CDH18: variants seen among roughly 807,000 people sequenced by gnomAD.
The protein encoded by CDH18 is cadherin-18.
CDH18 carries 31 observed loss-of-function variants against 67.9 expected under a neutral mutation model. That is an observed-to-expected ratio of 0.46 (90% CI 0.34 to 0.62). CDH18 has a LOEUF of 0.62. Ranked by LOEUF, CDH18 falls within the 20% of genes least tolerant of loss-of-function variation. The pLI, the probability that CDH18 is intolerant of heterozygous loss-of-function variation, is 0.01. For missense variants in CDH18, 890 were observed against 975.5 expected, an observed-to-expected ratio of 0.91 and a Z score of 1.17; for synonymous variants, 362 against 347.2, an observed-to-expected ratio of 1.04 and a Z score of -0.48.
At chr5:20,014,098 A>C (rs1457459451) in intron 2 of CDH18, among the ~76,000 whole-genome samples, 2 of 152,172 alleles carry the variant, frequency 1.3e-5, no homozygotes, top group Non-Finnish European at 2.9e-5. Flanking sequence ...GCATTCCCCA[A>C]ATATGACAGA....
intron 11 of CDH18, among the ~76,000 whole-genome samples, chr5:19,492,468 G>A (rs1031199850): frequency 2.0e-5 from 3 of 152,038 alleles, no homozygotes; most frequent in Non-Finnish European, 4.4e-5. Context: ...TAGATGTGAA[G>A]TTAAGCAGTT....
At chr5:20,238,082 G>C (rs940740034) in intron 2 of CDH18, among the ~76,000 whole-genome samples, 11 of 151,698 alleles carry the variant, frequency 7.3e-5, no homozygotes, top group African/African-American at 2.7e-4. Flanking sequence ...AACAATTCTA[G>C]GAAAAAAATC....
chr5:20,476,932 G>A (rs1001110424), intron 1 of CDH18, among the ~76,000 whole-genome samples: 3 of 152,130 alleles, frequency 2.0e-5, no homozygotes, highest in African/African-American at 7.2e-5. Flanking sequence ...TGTTGTAACA[G>A]AGATTTTTAA....
chr5:19,924,732 A>T (rs915885561), intron 2 of CDH18, among the ~76,000 whole-genome samples: 1 of 152,226 alleles, frequency 6.6e-6, no homozygotes, highest in African/African-American at 2.4e-5. Flanking sequence ...AATTCTATGA[A>T]GTAGACAGGT....
At chr5:19,538,104 T>C (rs1274816000) in intron 9 of CDH18, among the ~76,000 whole-genome samples, 2 of 152,148 alleles carry the variant, frequency 1.3e-5, no homozygotes, top group Non-Finnish European at 2.9e-5. Flanking sequence ...ATAATATGCA[T>C]TATACCAGGG....
chr5:20,198,538 G>A (rs1157133164), intron 2 of CDH18, among the ~76,000 whole-genome samples: 2 of 152,152 alleles, frequency 1.3e-5, no homozygotes, highest in East Asian at 3.9e-4. Flanking sequence ...GCATTCAAGA[G>A]GTGACAGAGA....
At position 19,560,086 on chromosome 5, in the gene CDH18, G is replaced by A. The variant is rs147874028; in HGVS notation, c.1253+11493C>T. ...TCAATATTGTAAAAATGGCCATACT[G>A]CCAAAAGCAATCTACAAATTCAATG... On this transcript the variant is annotated intron_variant, in intron 8 of 12. Coordinates refer to ENST00000382275, the MANE Select transcript of CDH18 (RefSeq NM_004934.5). 6.3e-3 allele frequency among the ~76,000 whole-genome samples: 965 copies of A among 151,996 alleles called. 10 individuals carry two copies. Among genetic ancestry groups the A allele is most frequent in the African/African-American group, 0.023 (934 of 41,456 alleles).
At chr5:20,179,249 T>C (rs190604044) in intron 2 of CDH18, among the ~76,000 whole-genome samples, 40 of 152,188 alleles carry the variant, frequency 2.6e-4, no homozygotes, top group Non-Finnish European at 2.9e-5. Context: ...TAACAATAAT[T>C]TTGCAAGAAA....
intron 1 of CDH18, among the ~76,000 whole-genome samples, chr5:20,300,333 T>TGTGC (rs1747876872): frequency 6.6e-6 from 1 of 151,492 alleles, no homozygotes; most frequent in Admixed American, 6.6e-5. Flanking sequence ...TGTGTGTGTG[T>TGTGC]ATTTTCCTGT....
At chr5:20,348,129 T>C (rs1048615705) in intron 1 of CDH18, among the ~76,000 whole-genome samples, 6 of 152,298 alleles carry the variant, frequency 3.9e-5, no homozygotes, top group African/African-American at 1.4e-4. Context: ...ACTCATGTAA[T>C]CTAGATCTTC....
intron 2 of CDH18, among the ~76,000 whole-genome samples, chr5:20,096,974 A>G (rs1746042745): frequency 1.3e-5 from 2 of 152,258 alleles, no homozygotes; most frequent in Non-Finnish European, 2.9e-5. Context: ...TATCATTCTT[A>G]TGTGTGACGG....
intron 5 of CDH18, among the ~76,000 whole-genome samples, chr5:19,691,134 A>C (rs1280223245): frequency 2.0e-5 from 3 of 150,868 alleles, no homozygotes; most frequent in Non-Finnish European, 4.4e-5. Flanking sequence ...TATGCAAATC[A>C]ATAAATATAA....
intron 2 of CDH18, among the ~76,000 whole-genome samples, chr5:20,075,076 G>C (rs1034582231): frequency 3.9e-5 from 6 of 152,138 alleles, no homozygotes; most frequent in Admixed American, 1.3e-4. Flanking sequence ...CATAACCACT[G>C]ACTTTGCACC....
intron 1 of CDH18, among the ~76,000 whole-genome samples, chr5:20,319,406 A>G (rs560742822): frequency 3.3e-5 from 5 of 152,212 alleles, no homozygotes; most frequent in South Asian, 4.1e-4. Flanking sequence ...TCACACTTCA[A>G]AACTCAATAT....
intron 2 of CDH18, among the ~76,000 whole-genome samples, chr5:20,018,629 C>T (rs1738104248): frequency 6.6e-6 from 1 of 151,920 alleles, no homozygotes; most frequent in Admixed American, 6.6e-5. Flanking sequence ...AATTGGCTTC[C>T]CAAATAATTC....
At chr5:20,567,452 A>AT (rs1478340135) in intron 1 of CDH18, among the ~76,000 whole-genome samples, 3 of 152,186 alleles carry the variant, frequency 2.0e-5, no homozygotes, top group Non-Finnish European at 4.4e-5. Context: ...GGAGCAATGG[A>AT]ATAAGCAGTG....
chr5:20,017,904 G>A (rs867130136), intron 2 of CDH18, among the ~76,000 whole-genome samples: 1 of 152,222 alleles, frequency 6.6e-6, no homozygotes, highest in South Asian at 2.1e-4. Context: ...GTAAATGAAT[G>A]TGTAAGTCTC....
rs546142287 is a variant in CDH18, at chr5:20,561,764, T to A, written c.-580+13698A>T. ...AAAGTCTATTCAAAAGAGAAAAAAA[T>A]TAAATGCAATAAAAATGGTTTTCTA... On this transcript the variant is annotated intron_variant, in intron 1 of 14. Transcript: ENST00000507958. 5.3e-5 allele frequency among the ~76,000 whole-genome samples: 8 copies of A among 152,026 alleles called. No homozygotes were observed. In the East Asian group the frequency reaches 1.2e-3, roughly 22 times the overall value.
At chr5:19,573,571 C>A (rs10041390) in intron 7 of CDH18, among the ~76,000 whole-genome samples, 4,433 of 152,290 alleles carry the variant, frequency 0.029, 218 homozygotes, top group African/African-American at 0.1. Flanking sequence ...AGCCACCATG[C>A]CCGGCCGAGG....
Sources: allele counts gnomAD v4.1 joint callset (sites outside exome capture counted in the v4.1 genomes callset), GRCh38; gene constraint gnomAD v4.1.1; transcripts MANE v1.5; gene names NCBI Gene and HGNC (gene_info 2026-07-23, HGNC 2026-07-21).